The following MAGI1 variants were observed in gnomAD, a reference collection of about 807,000 sequenced individuals.
MAGI1 encodes membrane associated guanylate kinase, WW and PDZ domain containing 1.
MAGI1 carries 58 observed loss-of-function variants against 139.9 expected under a neutral mutation model. The observed-to-expected ratio is 0.41, with a 90% CI of 0.34 to 0.52. The LOEUF is 0.52. Ranked by LOEUF, MAGI1 falls within the 20% of genes least tolerant of loss-of-function variation. MAGI1 has a pLI of 0.12. For missense variants in MAGI1, 1,874 were observed against 1,901.6 expected, an observed-to-expected ratio of 0.99 and a Z score of 0.27; for synonymous variants, 812 against 737.9, an observed-to-expected ratio of 1.10 and a Z score of -1.63.
rs1291129750 is a variant in MAGI1, at chr3:65,569,876, G to GA, written c.430+52095dup. ...GGCAATACAGCGAGACCCTGTCTCA[G>GA]AAAAAAAAAAAAGTTTCAAGAATAT... On this transcript the variant is annotated intron_variant, in intron 2 of 22. Transcript: ENST00000402939. Among the ~76,000 whole-genome samples the GA allele has an allele frequency of 3.3e-3, 461 of 141,628 alleles. 1 individual carries two copies. Among genetic ancestry groups the GA allele is most frequent in the African/African-American group, 8.7e-3 (339 of 38,782 alleles). The allele number at this position is 141,628 out of a possible 152,430, so 92.9% of individuals were successfully genotyped here. A position where few individuals can be genotyped will look rare whatever the true frequency, so the allele number is the denominator to read the frequency against.
At chr3:65,964,502 T>TC (rs2064635464) in intron 1 of MAGI1, among the ~76,000 whole-genome samples, 2 of 151,510 alleles carry the variant, frequency 1.3e-5, no homozygotes, top group African/African-American at 4.9e-5. Context: ...GAAAGGTATA[T>TC]CCTTTTATAC....
At chr3:65,437,958 C>T (rs183571154) in intron 9 of MAGI1, among the ~76,000 whole-genome samples, 144 of 152,278 alleles carry the variant, frequency 9.5e-4, no homozygotes, top group African/African-American at 3.3e-3. Context: ...AATGCTTATA[C>T]ACTGTCGATG....
At chr3:65,469,860 CTG>C (rs1950441058) in intron 5 of MAGI1, 1 of 148,262 alleles carries the variant, frequency 6.7e-6, no homozygotes, top group African/African-American at 2.5e-5. Flanking sequence ...AATAAGGACA[CTG>C]TAGTTCAATT....
At chr3:65,477,708 A>ATTG in intron 4 of MAGI1, among the ~76,000 whole-genome samples, 1 of 114,224 alleles carries the variant, frequency 8.8e-6, no homozygotes, top group African/African-American at 3.8e-5. Context: ...TATTATTATT[A>ATTG]TTATTTTTTT....
intron 12 of MAGI1, 82 bp downstream of exon 12, chr3:65,429,438 C>A: frequency 7.4e-7 from 1 of 1,343,958 alleles, no homozygotes; most frequent in Non-Finnish European, 1.0e-6. Context: ...AAAAAGCCCC[C>A]AGTGGTCATC....
chr3:65,859,806 A>G (rs147378141), intron 1 of MAGI1, among the ~76,000 whole-genome samples: 24 of 152,058 alleles, frequency 1.6e-4, no homozygotes, highest in African/African-American at 5.8e-4. Flanking sequence ...ATTCCAGTCT[A>G]CCTGAGTCAG....
At chr3:65,935,621 C>CA (rs11450565) in intron 1 of MAGI1, among the ~76,000 whole-genome samples, 37,620 of 151,952 alleles carry the variant, frequency 0.25, 5,858 homozygotes, top group Non-Finnish European at 0.34. Context: ...AATTCTGTCT[C>CA]AAAGAAAAAA....
chr3:65,367,638 C>T (rs1941561874), intron 18 of MAGI1, among the ~76,000 whole-genome samples: 1 of 152,068 alleles, frequency 6.6e-6, no homozygotes. Flanking sequence ...GCAATTATGG[C>T]CCCAGTTTAC....
At chr3:65,700,417 T>C (rs2089514734) in intron 1 of MAGI1, among the ~76,000 whole-genome samples, 1 of 151,932 alleles carries the variant, frequency 6.6e-6, no homozygotes, top group Non-Finnish European at 1.5e-5. Context: ...CACTGGGCAC[T>C]CCAGCCTGGG....
At position 65,554,094 on chromosome 3, in the gene MAGI1, T is replaced by C. The variant is rs1220264879; in HGVS notation, c.431-60463A>G. On this transcript the variant is annotated intron_variant, in intron 2 of 22. Transcript: ENST00000402939. ...GATATACTGTATATCTGTTTAGGTATTGTAGGTAGATCTGTACTTTCTACA... is the reference window on the plus strand; with the variant it reads ...GATATACTGTATATCTGTTTAGGTACTGTAGGTAGATCTGTACTTTCTACA... Among the ~76,000 whole-genome samples the C allele has an allele frequency of 2.6e-5, 4 of 152,162 alleles. No individual in the cohort carries two copies. The South Asian group carries it at 6.2e-4, about 24-fold the overall frequency.
intron 2 of MAGI1, among the ~76,000 whole-genome samples, chr3:65,559,884 A>C (rs66927757): frequency 0.056 from 8,505 of 152,146 alleles, 250 homozygotes; most frequent in Non-Finnish European, 0.065. Context: ...AATATACAAA[A>C]AGCTAGCCGG....
intron 1 of MAGI1, among the ~76,000 whole-genome samples, chr3:65,931,280 G>A (rs368416406): frequency 2.0e-5 from 3 of 152,242 alleles, no homozygotes; most frequent in African/African-American, 4.8e-5. Flanking sequence ...TGATCCACCC[G>A]CCTCAGCCTC....
At chr3:65,359,363 CATTTTTA>C in intron 22 of MAGI1, 1 of 1,357,218 alleles carries the variant, frequency 7.4e-7, no homozygotes. Context: ...GGAACAGTGA[CATTTTTA>C]GACAGCCATA....
intron 1 of MAGI1, among the ~76,000 whole-genome samples, chr3:65,820,254 A>T (rs1356351514): frequency 1.3e-5 from 2 of 152,080 alleles, no homozygotes; most frequent in African/African-American, 4.8e-5. Flanking sequence ...AGAATTTACC[A>T]TTATCAGGGA....
intron 10 of MAGI1, among the ~76,000 whole-genome samples, chr3:65,432,423 C>T (rs1947525104): frequency 6.6e-6 from 1 of 152,162 alleles, no homozygotes; most frequent in South Asian, 2.1e-4. Context: ...TTAGTTATAT[C>T]TAAAAGAGTT....
At chr3:65,782,860 T>C (rs2039048103) in intron 1 of MAGI1, among the ~76,000 whole-genome samples, 1 of 151,388 alleles carries the variant, frequency 6.6e-6, no homozygotes. Flanking sequence ...TGAAAAGTCA[T>C]TTCACAGATC....
At chr3:65,468,822 G>C (rs11711944) in intron 5 of MAGI1, among the ~76,000 whole-genome samples, 3 of 151,892 alleles carry the variant, frequency 2.0e-5, no homozygotes, top group African/African-American at 7.3e-5. Context: ...TGTAATCCCA[G>C]CGCTTTGGGA....
intron 2 of MAGI1, among the ~76,000 whole-genome samples, chr3:65,581,704 T>C (rs2081432292): frequency 6.6e-6 from 1 of 152,190 alleles, no homozygotes; most frequent in Admixed American, 6.5e-5. Context: ...AAACCTGCCA[T>C]TCATCTCCCA....
chr3:65,448,005 A>C lies in MAGI1; in HGVS notation c.1078+17T>G. 6.2e-7 allele frequency: 1 copy of C among 1,613,954 alleles called. No individual in the cohort carries two copies. Among genetic ancestry groups the C allele is most frequent in the Non-Finnish European group, 8.5e-7 (1 of 1,179,816 alleles). Reference sequence around the variant, plus strand: ...CATGCACGTGTCATGCAGCAGCAGCAGGCAGGGAGGGTTTACCTAGTTCAC... The same window carrying C: ...CATGCACGTGTCATGCAGCAGCAGCCGGCAGGGAGGGTTTACCTAGTTCAC... On this transcript the variant is annotated intron_variant, in intron 7 of 22. Transcript: ENST00000402939.
Sources: gnomAD v4.1 joint callset for allele counts (sites outside exome capture counted in the v4.1 genomes callset) on GRCh38, gnomAD v4.1.1 for gene constraint, MANE v1.5 for transcripts, NCBI Gene and HGNC (gene_info 2026-07-23, HGNC 2026-07-21) for gene names.